The following FGF1 variants were observed in gnomAD, a reference collection of about 807,000 sequenced individuals.
The protein encoded by FGF1 is fibroblast growth factor 1, also known as beta-endothelial cell growth factor.
A neutral mutation model predicts 13.4 loss-of-function variants in FGF1; 9 were observed. The observed-to-expected ratio is 0.67, with a 90% CI of 0.40 to 1.17. FGF1 has a LOEUF of 1.17. FGF1 is among the 50% of genes most tolerant of loss of function. The probability of loss-of-function intolerance (pLI) is 0.01; values close to 1 mark genes in which losing one functional copy is unlikely to be tolerated. For missense variants in FGF1, 156 were observed against 192.7 expected, an observed-to-expected ratio of 0.81 and a Z score of 1.13; for synonymous variants, 93 against 79.0, an observed-to-expected ratio of 1.18 and a Z score of -0.94.
At chr5:142,662,497 A>G (rs910940406) in intron 1 of FGF1, among the ~76,000 whole-genome samples, 1 of 152,224 alleles carries the variant, frequency 6.6e-6, no homozygotes, top group Non-Finnish European at 1.5e-5. Context: ...ATTTTTGTTG[A>G]TGTTGTCACT....
intron 2 of FGF1, among the ~76,000 whole-genome samples, chr5:142,692,293 C>T (rs917278244): frequency 5.3e-5 from 8 of 152,246 alleles, no homozygotes; most frequent in East Asian, 1.9e-4. Flanking sequence ...GCTGAGATCA[C>T]GCCACTGCAC....
At chr5:142,687,114 A>AGT (rs150596132), upstream of FGF1, among the ~76,000 whole-genome samples, 31,409 of 150,112 alleles carry the variant, frequency 0.21, 3,495 homozygotes, top group Non-Finnish European at 0.25. Flanking sequence ...AGAAGGCATG[A>AGT]GTGTGTGTGT....
chr5:142,655,778 A>C (rs1768035987), intron 1 of FGF1, among the ~76,000 whole-genome samples: 1 of 152,244 alleles, frequency 6.6e-6, no homozygotes, highest in Non-Finnish European at 1.5e-5. Context: ...TTGGAACGGG[A>C]GAGCCAGAGC....
Position 142,592,486 on chromosome 5 carries a change from T to C in FGF1, c.*2804A>G. The C allele has an allele frequency of 2.5e-6, 1 of 398,494 alleles. No homozygotes were observed. The highest frequency in any genetic ancestry group is 3.6e-5 in the East Asian group (1 of 28,084). 24.7% of individuals were successfully genotyped at this position (398,494 alleles called of 1,614,324 possible). A position where few individuals can be genotyped will look rare whatever the true frequency, so the allele number is the denominator to read the frequency against. Reference sequence around the variant, plus strand: ...AATACCTACCTCCACCACCATCACATTGCAAACGACCAAAAGCACATATGT... The same window carrying C: ...AATACCTACCTCCACCACCATCACACTGCAAACGACCAAAAGCACATATGT... On this transcript the variant is annotated 3_prime_UTR_variant, in exon 4 of 4. Coordinates refer to ENST00000337706, the MANE Select transcript of FGF1 (RefSeq NM_000800.5).
intron 1 of FGF1, among the ~76,000 whole-genome samples, chr5:142,662,829 G>A (rs10069231): frequency 0.019 from 2,960 of 152,102 alleles, 94 homozygotes; most frequent in African/African-American, 0.068. Context: ...TATTAAAATT[G>A]TAATTTTTTT....
rs2151803555 is a variant in FGF1, at chr5:142,594,937, A to G, written c.*353T>C. 1 of 192,008 alleles carries G rather than the reference A, an allele frequency of 5.2e-6. No individual in the cohort carries two copies. The highest frequency in any genetic ancestry group is 2.3e-5 in the African/African-American group (1 of 42,842). 11.9% of individuals were successfully genotyped at this position (192,008 alleles called of 1,614,324 possible). A position where few individuals can be genotyped will look rare whatever the true frequency, so the allele number is the denominator to read the frequency against. On this transcript the variant is annotated 3_prime_UTR_variant, in exon 4 of 4. Transcript: ENST00000337706. ...GATAGGGTTTACTCAGTAGAGGGAAATAGTGTGCAGTTACTAATGTCCCAC... is the reference window on the plus strand; with the variant it reads ...GATAGGGTTTACTCAGTAGAGGGAAGTAGTGTGCAGTTACTAATGTCCCAC...
At chr5:142,667,626 A>G (rs11742776) in intron 1 of FGF1, among the ~76,000 whole-genome samples, 91,759 of 151,196 alleles carry the variant, frequency 0.61, 30,023 homozygotes, top group African/African-American at 0.87. Flanking sequence ...AGCAAGGAAA[A>G]ATCGCCGGCT....
chr5:142,613,112 T>G (rs1759426166), intron 2 of FGF1, among the ~76,000 whole-genome samples: 1 of 152,230 alleles, frequency 6.6e-6, no homozygotes, highest in Non-Finnish European at 1.5e-5. Context: ...TGGATCTGAC[T>G]TTAGGCTTCT....
chr5:142,619,146 A>T (rs180786288), intron 1 of FGF1, among the ~76,000 whole-genome samples: 1 of 151,718 alleles, frequency 6.6e-6, no homozygotes, highest in African/African-American at 2.4e-5. Context: ...GTGTTAGCCA[A>T]GATGGTCTCG....
rs1754607402 is a variant in FGF1 at position 142,593,183 on chromosome 5, C to CT, written c.*2106_*2107insA. ...ATGTTATGCTTGAGTTTGATTCATA[C>CT]AATAAAAAGTATGGACCATTATAAT... On this transcript the variant is annotated 3_prime_UTR_variant, in exon 4 of 4. Transcript: ENST00000337706. 3.3e-5 allele frequency: 5 copies of CT among 152,244 alleles called. No individual in the cohort carries two copies. The South Asian group carries it at 1.0e-3, about 32-fold the overall frequency. The allele number at this position is 152,244 out of a possible 1,614,324, so 9.4% of individuals were successfully genotyped here.
rs17216818 is a variant in FGF1 at position 142,684,079 on chromosome 5, T to A, written c.-35+1878A>T. Among the ~76,000 whole-genome samples, 731 of 152,308 alleles carry A rather than the reference T, an allele frequency of 4.8e-3. 5 individuals are homozygous for A. The highest frequency in any genetic ancestry group is 0.017 in the African/African-American group (700 of 41,572). ...GCACTGCGGACTCGCCCTGACTTCT[T>A]TCTTGCTTGAGATCCAAGAACCCTC... On this transcript the variant is annotated intron_variant, in intron 1 of 3. Transcript: ENST00000337706.
chr5:142,627,592 C>T (rs902892948), intron 1 of FGF1, among the ~76,000 whole-genome samples: 3 of 152,212 alleles, frequency 2.0e-5, no homozygotes, highest in Non-Finnish European at 2.9e-5. Context: ...ATATGTCAGA[C>T]TCCATTCTGG....
chr5:142,656,367 T>C (rs910994739), intron 1 of FGF1, among the ~76,000 whole-genome samples: 4 of 152,162 alleles, frequency 2.6e-5, no homozygotes, highest in Non-Finnish European at 5.9e-5. Flanking sequence ...TGTTATTCAG[T>C]TGGGATACTT....
At chr5:142,624,109 G>A (rs750993990) in intron 1 of FGF1, among the ~76,000 whole-genome samples, 4 of 151,958 alleles carry the variant, frequency 2.6e-5, no homozygotes, top group African/African-American at 7.3e-5. Context: ...TAGTAGAGAC[G>A]GGGTTTCACC....
chr5:142,623,485 A>T (rs1761982087), intron 1 of FGF1, among the ~76,000 whole-genome samples: 1 of 151,972 alleles, frequency 6.6e-6, no homozygotes, highest in Admixed American at 6.6e-5. Context: ...AGCTGGGATT[A>T]TAGGCACATA....
intron 1 of FGF1, among the ~76,000 whole-genome samples, chr5:142,660,412 G>A (rs1284220325): frequency 6.6e-6 from 1 of 152,216 alleles, no homozygotes; most frequent in Non-Finnish European, 1.5e-5. Flanking sequence ...CTCTTGGCTG[G>A]GTCAGGGCCC....
At chr5:142,665,934 C>T (rs1377339633) in intron 1 of FGF1, among the ~76,000 whole-genome samples, 1 of 152,128 alleles carries the variant, frequency 6.6e-6, no homozygotes, top group African/African-American at 2.4e-5. Flanking sequence ...AATGACTTCC[C>T]CCTAGGTTGG....
intron 2 of FGF1, among the ~76,000 whole-genome samples, chr5:142,694,097 A>G (rs1240287102): frequency 8.9e-6 from 1 of 112,010 alleles, no homozygotes; most frequent in Non-Finnish European, 2.0e-5. Flanking sequence ...TAATCTATCT[A>G]TCTATCTATC....
chr5:142,624,392 C>T (rs1308667737), intron 1 of FGF1, among the ~76,000 whole-genome samples: 1 of 152,098 alleles, frequency 6.6e-6, no homozygotes, highest in African/African-American at 2.4e-5. Flanking sequence ...TAGGAGTATT[C>T]GAAAAATACC....
Sources: allele counts gnomAD v4.1 joint callset (sites outside exome capture counted in the v4.1 genomes callset), GRCh38; gene constraint gnomAD v4.1.1; transcripts MANE v1.5; gene names NCBI Gene and HGNC (gene_info 2026-07-23, HGNC 2026-07-21).